The following ACAP2 variants were observed in gnomAD, a reference collection of about 807,000 sequenced individuals.
ACAP2 encodes the protein ArfGAP with coiled-coil, ankyrin repeat and PH domains 2, also known as arf-GAP with coiled-coil, ANK repeat and PH domain-containing protein 2.
A neutral mutation model predicts 115.8 loss-of-function variants in ACAP2; 39 were observed. The observed-to-expected ratio is 0.34, with a 90% confidence interval of 0.26 to 0.44. The LOEUF is 0.44. ACAP2 is among the 20% of genes least tolerant of loss of function. The pLI is 1.00. For missense variants in ACAP2, 662 were observed against 927.6 expected, an observed-to-expected ratio of 0.71 and a Z score of 3.72; for synonymous variants, 289 against 315.8, an observed-to-expected ratio of 0.92 and a Z score of 0.90.
intron 1 of ACAP2, among the ~76,000 whole-genome samples, chr3:195,419,970 A>C (rs771852830): frequency 4.6e-5 from 7 of 152,190 alleles, no homozygotes; most frequent in Non-Finnish European, 1.0e-4. Flanking sequence ...TATTTTTCAA[A>C]ATCTTGGCTA....
intron 10 of ACAP2, 65 bp from the exon 11 acceptor site, chr3:195,308,902 G>A (rs1728582098): frequency 3.5e-6 from 5 of 1,439,914 alleles, no homozygotes; most frequent in Non-Finnish European, 3.8e-6. Flanking sequence ...TGTTAGAAAT[G>A]AAATATTTGA....
chr3:195,286,887 T>C (rs1276720647), intron 21 of ACAP2, among the ~76,000 whole-genome samples: 1 of 152,252 alleles, frequency 6.6e-6, no homozygotes, highest in African/African-American at 2.4e-5. Context: ...TGTCTCTCTA[T>C]ATCATTCCTA....
chr3:195,335,159 C>A (rs932725761), intron 7 of ACAP2, among the ~76,000 whole-genome samples: 1 of 152,072 alleles, frequency 6.6e-6, no homozygotes, highest in African/African-American at 2.4e-5. Context: ...TATTGGAACA[C>A]AGTCATAGCC....
chr3:195,343,335 AG>A (rs1337058957), intron 5 of ACAP2, among the ~76,000 whole-genome samples: 1 of 152,250 alleles, frequency 6.6e-6, no homozygotes, highest in Non-Finnish European at 1.5e-5. Flanking sequence ...TGCAAATTCC[AG>A]AGCCCTTTCC....
At chr3:195,287,954 A>G in intron 21 of ACAP2, among the ~76,000 whole-genome samples, 1 of 152,118 alleles carries the variant, frequency 6.6e-6, no homozygotes, top group East Asian at 1.9e-4. Context: ...ATACAAAATT[A>G]GCCAGGCGTG....
rs41266999 is a variant in ACAP2 at position 195,301,863 on chromosome 3, A to C, written c.1325+103T>G. 31,550 of 1,359,260 alleles carry C rather than the reference A, an allele frequency of 0.023. 1,038 individuals carry two copies. The highest frequency in any genetic ancestry group is 0.098 in the South Asian group (7,253 of 74,272). The allele number at this position is 1,359,260 out of a possible 1,614,324, so 84.2% of individuals were successfully genotyped here. On this transcript the variant is annotated intron_variant, in intron 14 of 22. Coordinates refer to ENST00000326793, the MANE Select transcript of ACAP2 (RefSeq NM_012287.6). Reference sequence around the variant, plus strand: ...AAAGGTACAAAGATACAAACTGGTGATTAAATTAGGGAAGTGGAAAAGGGC... The same window carrying C: ...AAAGGTACAAAGATACAAACTGGTGCTTAAATTAGGGAAGTGGAAAAGGGC...
At chr3:195,435,605 T>C (rs1715475271) in intron 1 of ACAP2, among the ~76,000 whole-genome samples, 2 of 152,236 alleles carry the variant, frequency 1.3e-5, no homozygotes, top group Admixed American at 6.5e-5. Flanking sequence ...GTGACTTCTT[T>C]GATCCACTGT....
In ACAP2 at chr3:195,278,634, AG is replaced by A. The variant is rs2108879124; in HGVS notation, c.*693del. 2 of 150,138 alleles carry A rather than the reference AG, an allele frequency of 1.3e-5. No homozygotes were observed. Among genetic ancestry groups the A allele is most frequent in the East Asian group, 2.0e-4 (1 of 4,966 alleles). The allele number at this position is 150,138 out of a possible 1,614,324, so 9.3% of individuals were successfully genotyped here. The stretch of plus-strand genomic sequence containing the variant: ...TTTTTTTTGTGATTAAAAAAAAAAA[AG>A]AGCTTCTTTTTGCTGCATAAAATAA... On this transcript the variant is annotated 3_prime_UTR_variant, in exon 23 of 23. Transcript: ENST00000326793.
At chr3:195,306,095 T>A (rs1728402237) in intron 13 of ACAP2, among the ~76,000 whole-genome samples, 1 of 152,140 alleles carries the variant, frequency 6.6e-6, no homozygotes, top group African/African-American at 2.4e-5. Context: ...GACTATGACC[T>A]AAGTTCCCAC....
chr3:195,289,271 G>GA (rs778689853), intron 20 of ACAP2, 40 bp from the exon 21 acceptor site: 613 of 1,389,560 alleles, frequency 4.4e-4, no homozygotes, highest in Admixed American at 5.3e-4. Flanking sequence ...TTGTCGATAA[G>GA]AAAAAAAAAT....
chr3:195,424,224 ATGTGTGTGTGTGTGTGTGTGG>A (rs1228802007), intron 1 of ACAP2, among the ~76,000 whole-genome samples: 354 of 113,012 alleles, frequency 3.1e-3, no homozygotes, highest in African/African-American at 0.011. Flanking sequence ...GAATGGTCAT[ATGTGTGTGTGTGTGTGTGTGG>A]TGTGTGTGTG....
intron 4 of ACAP2, among the ~76,000 whole-genome samples, chr3:195,354,555 T>G (rs182928766): frequency 1.1e-4 from 17 of 152,326 alleles, no homozygotes; most frequent in African/African-American, 4.1e-4. Flanking sequence ...TTTAAGTTCC[T>G]TATAAATTCT....
chr3:195,442,695 G>T, intron 1 of ACAP2, 100 bp downstream of exon 1: 1 of 1,279,780 alleles, frequency 7.8e-7, no homozygotes, highest in Non-Finnish European at 1.1e-6. Context: ...GTCGGAAGGA[G>T]CGGACGGCGG....
At chr3:195,285,953 G>T (rs1416541633) in intron 21 of ACAP2, 96 bp from the exon 22 acceptor site, 1 of 888,868 alleles carries the variant, frequency 1.1e-6, no homozygotes. Flanking sequence ...TAATGTAATT[G>T]TGTTTTATTT....
chr3:195,327,634 TA>T (rs1287867207), intron 8 of ACAP2, among the ~76,000 whole-genome samples: 2 of 152,044 alleles, frequency 1.3e-5, no homozygotes, highest in African/African-American at 4.8e-5. Flanking sequence ...AAAAACTTAA[TA>T]AAACCATAAA....
chr3:195,440,932 T>C (rs757275470), intron 1 of ACAP2, among the ~76,000 whole-genome samples: 9 of 152,182 alleles, frequency 5.9e-5, no homozygotes, highest in Non-Finnish European at 1.3e-4. Flanking sequence ...CCTGAAAACC[T>C]GTAATATTTT....
At chr3:195,304,189 A>AAAAAAAAAC (rs1560221414) in intron 13 of ACAP2, among the ~76,000 whole-genome samples, 1 of 150,366 alleles carries the variant, frequency 6.7e-6, no homozygotes, top group Non-Finnish European at 1.5e-5. Flanking sequence ...AAAAAAAAAA[A>AAAAAAAAAC]AAAAAACTTC....
intron 10 of ACAP2, among the ~76,000 whole-genome samples, chr3:195,319,806 A>T (rs1176797353): frequency 1.3e-5 from 2 of 152,186 alleles, no homozygotes; most frequent in Non-Finnish European, 2.9e-5. Context: ...GGAATGAGAT[A>T]AGACTTTGGG....
At chr3:195,288,227 C>T (rs571136042) in intron 21 of ACAP2, among the ~76,000 whole-genome samples, 47 of 152,260 alleles carry the variant, frequency 3.1e-4, no homozygotes, top group African/African-American at 1.0e-3. Context: ...GGTTTCAAAT[C>T]CCAACTCCAT....
Sources: gnomAD v4.1 joint callset for allele counts (sites outside exome capture counted in the v4.1 genomes callset) on GRCh38, gnomAD v4.1.1 for gene constraint, MANE v1.5 for transcripts, NCBI Gene and HGNC (gene_info 2026-07-23, HGNC 2026-07-21) for gene names.